Variants in PIP5K1C observed in about 807,000 individuals in gnomAD.
The protein encoded by PIP5K1C is phosphatidylinositol 4-phosphate 5-kinase type-1 gamma.
Under a neutral mutation model 80.1 loss-of-function variants are expected in PIP5K1C, and 45 were observed. That is an observed-to-expected ratio of 0.56 (90% CI 0.44 to 0.72). The LOEUF is 0.72. Among genes scored for constraint, PIP5K1C ranks in the 30% least tolerant of loss-of-function variants. The pLI, the probability that PIP5K1C is intolerant of heterozygous loss-of-function variation, is 0.00. For synonymous variants in PIP5K1C, 498 were observed against 420.1 expected (o/e 1.19, Z -2.27); for missense variants, 753 against 954.6 (o/e 0.79, Z 2.78).
chr19:3,654,468 G>T (rs757670742), intron 6 of PIP5K1C, among the ~76,000 whole-genome samples: 1 of 152,164 alleles, frequency 6.6e-6, no homozygotes, highest in African/African-American at 2.4e-5. Flanking sequence ...GGCCGAATCC[G>T]GCCACCACCT....
At chr19:3,658,941 G>A (rs577947988) in intron 5 of PIP5K1C, among the ~76,000 whole-genome samples, 1 of 152,090 alleles carries the variant, frequency 6.6e-6, no homozygotes, top group Non-Finnish European at 1.5e-5. Flanking sequence ...TGGGGCTCTC[G>A]GCAGCTGCGC....
chr19:3,643,251 C>A lies in PIP5K1C; in HGVS notation c.1641G>T (p.Pro547=). 1 of 1,613,508 alleles carries A rather than the reference C, an allele frequency of 6.2e-7. No homozygotes were observed. Among genetic ancestry groups the A allele is most frequent in the South Asian group, 1.1e-5 (1 of 91,086 alleles). The change falls in exon 13 of 18, where the codon CCG becomes CCT. Residue 547 remains proline (P), a synonymous_variant. Transcript: ENST00000335312. Reference sequence around the variant, plus strand: ...GCGGATGCCTCGCCCACCTGTACCGCGGCTGCTCCGACGTCTCCGAGGGGG... The same window carrying A: ...GCGGATGCCTCGCCCACCTGTACCGAGGCTGCTCCGACGTCTCCGAGGGGG... ...ERSPSETSEQ[P]RYRRRTQSSG...
chr19:3,691,518 G>A (rs909202991), intron 1 of PIP5K1C, among the ~76,000 whole-genome samples: 1 of 151,962 alleles, frequency 6.6e-6, no homozygotes, highest in South Asian at 2.1e-4. Flanking sequence ...TCCCAGAACA[G>A]GGACCACCCC....
chr19:3,694,784 A>G (rs373060864), intron 1 of PIP5K1C, among the ~76,000 whole-genome samples: 26 of 152,216 alleles, frequency 1.7e-4, no homozygotes, highest in East Asian at 5.8e-4. Flanking sequence ...TCGTGGGGAC[A>G]GTCACCTCCC....
intron 7 of PIP5K1C, 31 bp from the exon 8 acceptor site, chr19:3,652,062 C>T (rs373754520): frequency 3.1e-5 from 49 of 1,605,478 alleles, no homozygotes; most frequent in South Asian, 1.9e-4. Flanking sequence ...CACGCCACGC[C>T]GTCAGCCGTC....
chr19:3,678,095 G>T (rs1471615979), intron 1 of PIP5K1C, among the ~76,000 whole-genome samples: 3 of 137,466 alleles, frequency 2.2e-5, no homozygotes, highest in Non-Finnish European at 4.7e-5. Flanking sequence ...GGATGGAGGA[G>T]GGAGGGAGAA....
At chr19:3,633,261 C>A in intron 17 of PIP5K1C, 92 bp from the exon 18 acceptor site, 10 of 697,318 alleles carry the variant, frequency 1.4e-5, no homozygotes, top group Non-Finnish European at 1.3e-5. Flanking sequence ...CCAACACAGG[C>A]CCTGAGACAC....
intron 8 of PIP5K1C, among the ~76,000 whole-genome samples, chr19:3,651,410 G>A (rs2034444204): frequency 6.6e-6 from 1 of 152,180 alleles, no homozygotes; most frequent in Admixed American, 6.5e-5. Flanking sequence ...TGCTTCGTGG[G>A]CTGTGTCCTG....
At chr19:3,691,712 T>G (rs2035956869) in intron 1 of PIP5K1C, among the ~76,000 whole-genome samples, 1 of 150,420 alleles carries the variant, frequency 6.6e-6, no homozygotes, top group East Asian at 2.0e-4. Flanking sequence ...CCAATCAGAG[T>G]GCATCTGAAT....
At chr19:3,689,624 G>C (rs529818193) in intron 1 of PIP5K1C, among the ~76,000 whole-genome samples, 1 of 152,110 alleles carries the variant, frequency 6.6e-6, no homozygotes, top group Non-Finnish European at 1.5e-5. Context: ...ACTCCAGCCT[G>C]GACGAGAGGG....
chr19:3,636,619 G>C (rs542834423), intron 16 of PIP5K1C: 1 of 985,680 alleles, frequency 1.0e-6, no homozygotes, highest in Admixed American at 6.1e-5. Flanking sequence ...ACGGCTTCGC[G>C]GTGGCTGGCT....
chr19:3,670,185 GTCGTGGTCAGT>G (rs1469792140), intron 1 of PIP5K1C, among the ~76,000 whole-genome samples: 3 of 152,184 alleles, frequency 2.0e-5, no homozygotes, highest in African/African-American at 4.8e-5. Flanking sequence ...GGCCCCTGCA[GTCGTGGTCAGT>G]CCCCACGCCT....
intron 1 of PIP5K1C, among the ~76,000 whole-genome samples, chr19:3,686,883 T>C (rs1463667032): frequency 6.6e-6 from 1 of 151,254 alleles, no homozygotes; most frequent in Middle Eastern, 3.5e-3. Context: ...ACCAAAAGCA[T>C]AAGCAAGCAA....
At position 3,697,298 on chromosome 19, in the gene PIP5K1C, G is replaced by A. The variant is rs148574520; in HGVS notation, c.94+2999C>T. Reference sequence around the variant, plus strand: ...ACCAAGCCGGATAGAGGACCGAGCCGGATGGAGGAGGACTGGGCCGGACGG... The same window carrying A: ...ACCAAGCCGGATAGAGGACCGAGCCAGATGGAGGAGGACTGGGCCGGACGG... On this transcript the variant is annotated intron_variant, in intron 1 of 17. Transcript: ENST00000335312. Among the ~76,000 whole-genome samples the A allele has an allele frequency of 4.3e-3, 650 of 150,230 alleles. 4 individuals carry two copies. Among genetic ancestry groups the A allele is most frequent in the African/African-American group, 0.015 (608 of 40,678 alleles).
chr19:3,675,133 C>T (rs370905263), intron 1 of PIP5K1C, among the ~76,000 whole-genome samples: 7 of 152,204 alleles, frequency 4.6e-5, no homozygotes, highest in African/African-American at 1.2e-4. Flanking sequence ...GGTTTGCTTT[C>T]GGGGTGATGG....
At chr19:3,683,822 C>T (rs940911836) in intron 1 of PIP5K1C, among the ~76,000 whole-genome samples, 1 of 152,106 alleles carries the variant, frequency 6.6e-6, no homozygotes, top group African/African-American at 2.4e-5. Context: ...CCGGGCACAG[C>T]AGGAACATCC....
At chr19:3,647,206 A>C in intron 10 of PIP5K1C, 132 bp downstream of exon 10, 1 of 670,538 alleles carries the variant, frequency 1.5e-6, no homozygotes, top group Non-Finnish European at 2.4e-6. Flanking sequence ...TCACAGGAGG[A>C]GGAGGGATGG....
At chr19:3,683,928 C>G (rs1020227106) in intron 1 of PIP5K1C, among the ~76,000 whole-genome samples, 1 of 142,262 alleles carries the variant, frequency 7.0e-6, no homozygotes, top group African/African-American at 2.6e-5. Context: ...CAGTCCCACA[C>G]CCCCCCCACG....
In PIP5K1C at chr19:3,637,688, G is replaced by T. The variant is rs1055197896; in HGVS notation, c.1920+1196C>A. ...AGCGGATGAGGCGGCCACCCCCGTG[G>T]TCGGGTGGGAGAGGCGGAGGGAGGT... On this transcript the variant is annotated intron_variant, in intron 16 of 17. Coordinates refer to ENST00000335312, the MANE Select transcript of PIP5K1C (RefSeq NM_012398.3). The surrounding 1 kb of genome is among the most constrained non-coding windows in gnomAD (Gnocchi z 7.0). 6.0e-6 allele frequency: 9 copies of T among 1,508,280 alleles called. No homozygotes were observed. In the African/African-American group the frequency reaches 1.2e-4, roughly 21 times the overall value. The allele number at this position is 1,508,280 out of a possible 1,614,324, so 93.4% of individuals were successfully genotyped here.
Sources: gnomAD v4.1 joint callset for allele counts (sites outside exome capture counted in the v4.1 genomes callset) on GRCh38, gnomAD v4.1.1 for gene constraint, Gnocchi (gnomAD v3.1) non-coding constraint, MANE v1.5 for transcripts, NCBI Gene and HGNC (gene_info 2026-07-23, HGNC 2026-07-21) for gene names.